Variants in HKDC1 observed in about 807,000 individuals in gnomAD.
HKDC1 encodes the protein hexokinase domain containing 1, also known as hexokinase HKDC1.
Under a neutral mutation model 96.6 loss-of-function variants are expected in HKDC1, and 66 were observed. The ratio of observed to expected loss-of-function variants is 0.68; its 90% CI spans 0.56 to 0.84. The LOEUF (loss-of-function observed/expected upper bound fraction) is 0.84, where lower values mean the gene tolerates loss of function less well. Among genes scored for constraint, HKDC1 ranks in the 40% least tolerant of loss-of-function variants. The pLI is 0.00. For missense variants in HKDC1, 1,211 were observed against 1,208.1 expected (o/e 1.00, Z -0.04); for synonymous variants, 466 against 473.1 (o/e 0.98, Z 0.20).
chr10:69,244,636 T>A (rs184423636), intron 7 of HKDC1, among the ~76,000 whole-genome samples: 7 of 149,536 alleles, frequency 4.7e-5, no homozygotes, highest in Admixed American at 6.8e-5. Flanking sequence ...GGCAACATAG[T>A]GAGACCAGTC....
intron 1 of HKDC1, among the ~76,000 whole-genome samples, chr10:69,223,713 G>A (rs905863014): frequency 6.7e-6 from 1 of 149,234 alleles, no homozygotes; most frequent in African/African-American, 2.5e-5. Context: ...AGCCTCCTGA[G>A]TAGCTGGGAT....
At chr10:69,259,929 T>C (rs1416541487) in intron 15 of HKDC1, among the ~76,000 whole-genome samples, 1 of 152,176 alleles carries the variant, frequency 6.6e-6, no homozygotes, top group East Asian at 1.9e-4. Flanking sequence ...GGTGGGGACA[T>C]AAATCCAAAT....
At chr10:69,245,088 G>A (rs906729468) in intron 7 of HKDC1, among the ~76,000 whole-genome samples, 2 of 152,066 alleles carry the variant, frequency 1.3e-5, no homozygotes, top group African/African-American at 2.4e-5. Flanking sequence ...ATTTTTAGTA[G>A]AGACAGGGTT....
chr10:69,263,939 C>T (rs2084069168), intron 16 of HKDC1, among the ~76,000 whole-genome samples: 2 of 152,098 alleles, frequency 1.3e-5, no homozygotes, highest in African/African-American at 2.4e-5. Flanking sequence ...CTTTGGGAGG[C>T]CAAGGCAGGC....
intron 16 of HKDC1, chr10:69,265,321 G>A: frequency 2.2e-6 from 1 of 448,436 alleles, no homozygotes; most frequent in Non-Finnish European, 4.0e-6. Context: ...CAGCTCATAT[G>A]GCTTCTAGTG....
chr10:69,250,671 G>T lies in HKDC1; in HGVS notation c.1836+19G>T, dbSNP rs1445260063. ...TGACAAGGTAAGATAGCCCCACCAG[G>T]CTCACGGCCAGCCCAGTGGGCTTCC... On this transcript the variant is annotated intron_variant, in intron 12 of 17. Transcript: ENST00000354624. The T allele has an allele frequency of 1.2e-6, 2 of 1,612,140 alleles. No homozygotes were observed. Among genetic ancestry groups the T allele is most frequent in the Admixed American group, 3.3e-5 (2 of 60,016 alleles).
chr10:69,223,935 G>T (rs1189832919), intron 1 of HKDC1, among the ~76,000 whole-genome samples: 1 of 150,392 alleles, frequency 6.6e-6, no homozygotes, highest in Non-Finnish European at 1.5e-5. Flanking sequence ...TAGGCTGGAT[G>T]AAGTGGCTCA....
Position 69,265,832 on chromosome 10 carries a change from A to G in HKDC1, c.2606+14A>G. 1.3e-6 allele frequency: 2 copies of G among 1,483,746 alleles called. No individual in the cohort carries two copies. The highest frequency in any genetic ancestry group is 1.9e-6 in the Non-Finnish European group (2 of 1,068,830). The allele number at this position is 1,483,746 out of a possible 1,614,324, so 91.9% of individuals were successfully genotyped here. On this transcript the variant is annotated intron_variant, in intron 17 of 17. Transcript: ENST00000354624. ...GCTGCACCCTCAGTGAGTGCCCACA[A>G]GAGGCGTGGCGGGTGGGGCTGGGGA...
chr10:69,266,478 A>AC, intron 17 of HKDC1, 132 bp from the exon 18 acceptor site: 1 of 942,794 alleles, frequency 1.1e-6, no homozygotes. Context: ...AAAAAAAAAA[A>AC]TTAGAAGAAG....
chr10:69,246,300 C>A, intron 8 of HKDC1, 66 bp downstream of exon 8: 1 of 1,562,252 alleles, frequency 6.4e-7, no homozygotes, highest in Non-Finnish European at 8.8e-7. Flanking sequence ...GTGGGGTGCT[C>A]CATGTGGTAG....
Position 69,227,362 on chromosome 10 carries a change from T to C in HKDC1, c.219T>C (p.Asp73=). 6.2e-7 allele frequency: 1 copy of C among 1,614,194 alleles called. No homozygotes were observed. The highest frequency in any genetic ancestry group is 8.5e-7 in the Non-Finnish European group (1 of 1,180,024). ...MLPTFVRAIP[D]GSENGEFLSL... ...CCACCTTCGTCAGGGCCATTCCCGA[T>C]GGTTCCGGTGAGTGCAGTTGTCCGC... The change falls in exon 2 of 18, where the codon GAT becomes GAC. Residue 73 remains aspartate (D), a synonymous_variant. Transcript: ENST00000354624.
rs1264785717 is a variant in HKDC1, at chr10:69,260,106, CAT to C, written c.2217-1031_2217-1030del. Among the ~76,000 whole-genome samples the C allele has an allele frequency of 5.3e-5, 8 of 152,242 alleles. No individual in the cohort carries two copies. The East Asian group carries it at 1.5e-3, about 29-fold the overall frequency. ...TCTTAATATAGAAAATAATGGGAAA[CAT>C]AGATTTATTGTTATGGGTGCTATCC... On this transcript the variant is annotated intron_variant, in intron 15 of 17. Transcript: ENST00000354624.
At chr10:69,243,471 C>T in intron 7 of HKDC1, 106 bp downstream of exon 7, 1 of 841,218 alleles carries the variant, frequency 1.2e-6, no homozygotes, top group Non-Finnish European at 1.8e-6. Flanking sequence ...AGCTATCCAT[C>T]ACAACTTTCT....
intron 1 of HKDC1, chr10:69,223,185 C>T (rs4746822): frequency 0.59 from 89,017 of 152,022 alleles, 27,087 homozygotes; most frequent in Non-Finnish European, 0.67. Flanking sequence ...TGTTCATCCA[C>T]AGGAGAACTG....
At chr10:69,223,578 ATTTTTTTTTTTT>A (rs60016100) in intron 1 of HKDC1, among the ~76,000 whole-genome samples, 4 of 85,580 alleles carry the variant, frequency 4.7e-5, no homozygotes, top group Non-Finnish European at 8.6e-5. Flanking sequence ...CCACAATCTA[ATTTTTTTTTTTT>A]TTTTTTTTTT....
Position 69,261,182 on chromosome 10 carries a change from C to T in HKDC1, c.2260C>T (p.Arg754Trp), listed in dbSNP as rs758122815. Residue 754 changes from arginine (R) to tryptophan (W), a missense_variant, in exon 16 of 18, where the codon CGG becomes TGG. Coordinates refer to ENST00000354624, the MANE Select transcript of HKDC1 (RefSeq NM_025130.4). ...TGGGATGTACTTGGGGGAGATTGTG[C>T]GGCAGATCCTGATCGACCTGACCAA... ...TSGMYLGEIV[R>W]QILIDLTKQG... 1.7e-5 allele frequency: 27 copies of T among 1,613,898 alleles called. No homozygotes were observed. The East Asian group carries it at 2.5e-4, about 15-fold the overall frequency.
rs33969502 is a variant in HKDC1, at chr10:69,255,916, CAAAA to C, written c.1837-1109_1837-1106del. On this transcript the variant is annotated intron_variant, in intron 12 of 17. Transcript: ENST00000354624. Reference sequence around the variant, plus strand: ...TAGGCAACAGAGTAAGAATCTGTGTCAAAAAAAAAAAAAACAAAAAAAACCTACT... The same window carrying C: ...TAGGCAACAGAGTAAGAATCTGTGTCAAAAAAAAAACAAAAAAAACCTACT... Among the ~76,000 whole-genome samples the C allele has an allele frequency of 8.7e-4, 122 of 140,426 alleles. 3 individuals carry two copies. The South Asian group carries it at 0.027, about 31-fold the overall frequency. The allele number at this position is 140,426 out of a possible 152,430, so 92.1% of individuals were successfully genotyped here.
intron 4 of HKDC1, among the ~76,000 whole-genome samples, chr10:69,237,576 T>C (rs1467072625): frequency 1.3e-5 from 2 of 152,172 alleles, no homozygotes; most frequent in Non-Finnish European, 2.9e-5. Context: ...TGTACAGTTG[T>C]ATGTAATTGC....
At chr10:69,259,734 A>G (rs1251553969) in intron 15 of HKDC1, among the ~76,000 whole-genome samples, 2 of 152,180 alleles carry the variant, frequency 1.3e-5, no homozygotes, top group Non-Finnish European at 2.9e-5. Context: ...CACGTCTTAC[A>G]TGGCTGGAGA....
Sources: allele counts gnomAD v4.1 joint callset (sites outside exome capture counted in the v4.1 genomes callset), GRCh38; gene constraint gnomAD v4.1.1; transcripts MANE v1.5; gene names NCBI Gene and HGNC (gene_info 2026-07-23, HGNC 2026-07-21).